KCNS1: variants seen among roughly 807,000 people sequenced by gnomAD.
KCNS1 encodes the protein delayed-rectifier potassium channel regulatory subunit KCNS1.
A neutral mutation model predicts 33.1 loss-of-function variants in KCNS1; 26 were observed. That is an observed-to-expected ratio of 0.79 (90% CI 0.58 to 1.09). The LOEUF (loss-of-function observed/expected upper bound fraction) is 1.09, where lower values mean the gene tolerates loss of function less well. Among genes scored for constraint, KCNS1 ranks in the 50% least tolerant of loss-of-function variants. The probability of loss-of-function intolerance (pLI) is 0.00; values close to 1 mark genes in which losing one functional copy is unlikely to be tolerated. For missense variants in KCNS1, 702 were observed against 752.4 expected, an observed-to-expected ratio of 0.93 and a Z score of 0.78; for synonymous variants, 299 against 338.8, an observed-to-expected ratio of 0.88 and a Z score of 1.29.
Position 45,097,655 on chromosome 20 carries a change from GC to G in KCNS1, c.1110+6del. ...CCCCAGCTCCAACCTGGCCTCAGAG[GC>G]CGTACCTTGAGCGTGGCTCCCAGCG... On this transcript the variant is annotated splice_donor_region_variant and intron_variant, in intron 3 of 3. Coordinates refer to ENST00000537075, the MANE Select transcript of KCNS1 (RefSeq NM_001322799.2). 1 of 1,598,340 alleles carries G rather than the reference GC, an allele frequency of 6.3e-7. No individual in the cohort carries two copies. Among genetic ancestry groups the G allele is most frequent in the Non-Finnish European group, 8.5e-7 (1 of 1,177,016 alleles).
At chr20:45,095,464 G>C (rs1302360020) in intron 3 of KCNS1, 124 bp from the exon 4 acceptor site, 3 of 854,560 alleles carry the variant, frequency 3.5e-6, no homozygotes, top group Non-Finnish European at 3.5e-6. Context: ...GATAGAGCTG[G>C]TGCTAAGGCC....
At chr20:45,100,722 A>T (rs1425285927) in intron 1 of KCNS1, among the ~76,000 whole-genome samples, 199 bp downstream of exon 1, 1 of 152,092 alleles carries the variant, frequency 6.6e-6, no homozygotes, top group Non-Finnish European at 1.5e-5. Context: ...AGGTTTTCTA[A>T]TCCCATTTTA....
chr20:45,096,864 A>C (rs909288412), intron 3 of KCNS1, among the ~76,000 whole-genome samples: 1 of 152,108 alleles, frequency 6.6e-6, no homozygotes, highest in Non-Finnish European at 1.5e-5. Context: ...CTTCAATTTC[A>C]TCTCTGGGAA....
rs748876564 is a variant in KCNS1, at chr20:45,097,752, C to T, written c.1020G>A (p.Val340=). The T allele has an allele frequency of 1.2e-6, 2 of 1,613,046 alleles. No homozygotes were observed. The highest frequency in any genetic ancestry group is 1.7e-6 in the Non-Finnish European group (2 of 1,179,980). ...GGKEFGHLGK[V]VQVFRLMRIF... is the part of the protein sequence containing the mutation. ...TGCGCATGAGGCGGAACACCTGCAC[C>T]ACCTTGCCCAGGTGGCCGAACTCCT... Residue 340 remains valine (V), a synonymous_variant, in exon 3 of 4, where the codon GTG becomes GTA. Coordinates refer to ENST00000537075, the MANE Select transcript of KCNS1 (RefSeq NM_001322799.2).
chr20:45,094,736 G>T lies in KCNS1; in HGVS notation c.*134C>A. 1 of 772,988 alleles carries T rather than the reference G, an allele frequency of 1.3e-6. No individual in the cohort carries two copies. Among genetic ancestry groups the T allele is most frequent in the Non-Finnish European group, 2.2e-6 (1 of 463,732 alleles). 47.9% of individuals were successfully genotyped at this position (772,988 alleles called of 1,614,324 possible). A position where few individuals can be genotyped will look rare whatever the true frequency, so the allele number is the denominator to read the frequency against. On this transcript the variant is annotated 3_prime_UTR_variant, in exon 4 of 4. Transcript: ENST00000537075. The stretch of plus-strand genomic sequence containing the variant: ...ACTGTCCTGTCCTGGGCCTTTGGAG[G>T]AAGGAATGCAGCTTTTGAATCTCAT...
intron 3 of KCNS1, among the ~76,000 whole-genome samples, chr20:45,096,259 G>C (rs1255067288): frequency 6.6e-6 from 1 of 152,142 alleles, no homozygotes; most frequent in African/African-American, 2.4e-5. Context: ...GAGTAGCAAG[G>C]CTCTCATCTG....
intron 3 of KCNS1, among the ~76,000 whole-genome samples, chr20:45,096,500 C>A (rs1981189107): frequency 6.6e-6 from 1 of 152,152 alleles, no homozygotes. Context: ...GGTCATCTGC[C>A]AGCACCCAGT....
chr20:45,095,993 C>T (rs968693514), intron 3 of KCNS1, among the ~76,000 whole-genome samples: 5 of 151,600 alleles, frequency 3.3e-5, no homozygotes, highest in African/African-American at 1.2e-4. Flanking sequence ...TGGGTAAAGG[C>T]CAGGGATACT....
Position 45,094,822 on chromosome 20 carries a change from A to G in KCNS1, c.*48T>C. ...CTACCATGAAGAACTTTAGCAGGGG[A>G]GGAATCTCTACTGTAGGGGCATGGC... On this transcript the variant is annotated 3_prime_UTR_variant, in exon 4 of 4. Coordinates refer to ENST00000537075, the MANE Select transcript of KCNS1 (RefSeq NM_001322799.2). 6.9e-7 allele frequency: 1 copy of G among 1,440,144 alleles called. No homozygotes were observed. The highest frequency in any genetic ancestry group is 9.5e-7 in the Non-Finnish European group (1 of 1,048,238). The allele number at this position is 1,440,144 out of a possible 1,614,324, so 89.2% of individuals were successfully genotyped here. A position where few individuals can be genotyped will look rare whatever the true frequency, so the allele number is the denominator to read the frequency against.
In KCNS1 at chr20:45,098,436, C is replaced by G. The variant is rs779334922; in HGVS notation, c.336G>C (p.Leu112=). 1.3e-6 allele frequency: 2 copies of G among 1,594,244 alleles called. No individual in the cohort carries two copies. Among genetic ancestry groups the G allele is most frequent in the East Asian group, 2.3e-5 (1 of 43,332 alleles). Residue 112 remains leucine (L), a synonymous_variant, in exon 3 of 4, where the codon CTG becomes CTC. Coordinates refer to ENST00000537075, the MANE Select transcript of KCNS1 (RefSeq NM_001322799.2). This position sits in a 1 kb window ranked among gnomAD's most constrained non-coding sequence, Gnocchi z 5.2. ...FYFDRHPGFF[L]SLLHFYRTGH... ...CAGTGCGGTAGAAGTGCAGCAGGCT[C>G]AGGAAGAAGCCCGGGTGCCGGTCGA...
rs1365950562 is a variant in KCNS1, at chr20:45,092,786, C to G, written c.*2084G>C. On this transcript the variant is annotated 3_prime_UTR_variant, in exon 4 of 4. Coordinates refer to ENST00000537075, the MANE Select transcript of KCNS1 (RefSeq NM_001322799.2). ...TGCTTGGAGTACTCCCCCCTGGAAC[C>G]TCATTTGCTTAATTAGCAATTTATC... The G allele has an allele frequency of 6.6e-6, 1 of 151,930 alleles. No homozygotes were observed. Among genetic ancestry groups the G allele is most frequent in the Non-Finnish European group, 1.5e-5 (1 of 68,012 alleles). The allele number at this position is 151,930 out of a possible 1,614,324, so 9.4% of individuals were successfully genotyped here.
At chr20:45,095,481 C>T (rs1285453490) in intron 3 of KCNS1, 141 bp from the exon 4 acceptor site, 2 of 742,630 alleles carry the variant, frequency 2.7e-6, no homozygotes, top group South Asian at 3.9e-5. Flanking sequence ...GGCCCAGGTC[C>T]CCTGACTTTA....
chr20:45,095,366 T>G (rs1276379826), intron 3 of KCNS1, 26 bp from the exon 4 acceptor site: 6 of 1,589,042 alleles, frequency 3.8e-6, no homozygotes, highest in Non-Finnish European at 5.1e-6. Context: ...GAAAGCCAAG[T>G]CAGAGTGGAT....
chr20:45,099,288 G>A (rs1369276506), intron 1 of KCNS1, 49 bp from the exon 2 acceptor site: 3 of 1,003,094 alleles, frequency 3.0e-6, no homozygotes, highest in African/African-American at 3.2e-5. Context: ...TCGATTTACT[G>A]AATCGGGAAC....
In KCNS1 at chr20:45,098,379, G is replaced by A. The variant is rs754498637; in HGVS notation, c.393C>T (p.Val131=). The part of the protein sequence containing the change: ...GHLHVLDELC[V]FAFGQEADYW... ...AGTCGGCCTCCTGGCCAAAGGCGAAGACGCACAGCTCGTCGAGCACGTGCA... is the reference window on the plus strand; with the variant it reads ...AGTCGGCCTCCTGGCCAAAGGCGAAAACGCACAGCTCGTCGAGCACGTGCA... The change falls in exon 3 of 4, where the codon GTC becomes GTT. Residue 131 remains valine, a synonymous_variant. Transcript: ENST00000537075. This position sits in a 1 kb window ranked among gnomAD's most constrained non-coding sequence, Gnocchi z 5.2. The A allele has an allele frequency of 6.3e-7, 1 of 1,587,284 alleles. No individual in the cohort carries two copies. The highest frequency in any genetic ancestry group is 8.6e-7 in the Non-Finnish European group (1 of 1,167,270).
Position 45,097,568 on chromosome 20 carries a change from AGCCTGGACTCG to A in KCNS1, c.1110+83_1110+93del, listed in dbSNP as rs1981221799. The A allele has an allele frequency of 6.2e-6, 8 of 1,281,112 alleles. No homozygotes were observed. In the South Asian group the frequency reaches 1.1e-4, roughly 18 times the overall value. The allele number at this position is 1,281,112 out of a possible 1,614,324, so 79.4% of individuals were successfully genotyped here. A position where few individuals can be genotyped will look rare whatever the true frequency, so the allele number is the denominator to read the frequency against. On this transcript the variant is annotated intron_variant, in intron 3 of 3. Coordinates refer to ENST00000537075, the MANE Select transcript of KCNS1 (RefSeq NM_001322799.2). ...AGGACGGCATCTCAGTTGAACGTTAAGCCTGGACTCGGCAGGCTTGTAAGTTCACCTGCTAA... is the reference window on the plus strand; with the variant it reads ...AGGACGGCATCTCAGTTGAACGTTAAGCAGGCTTGTAAGTTCACCTGCTAA...
At position 45,094,878 on chromosome 20, in the gene KCNS1, T is replaced by C. The variant is rs779827317; in HGVS notation, c.1573A>G (p.Met525Val). The C allele has an allele frequency of 9.3e-6, 15 of 1,611,038 alleles. No homozygotes were observed. Among genetic ancestry groups the C allele is most frequent in the Non-Finnish European group, 1.1e-5 (13 of 1,178,222 alleles). The change falls in exon 4 of 4, where the codon ATG (methionine) becomes GTG (valine). Residue 525 changes from methionine to valine, a missense_variant. By Grantham distance (21) the Met-to-Val change is conservative. Around this residue, in one of 3 missense-constraint regions of KCNS1, gnomAD observed 75 missense variants for 72.7 expected, o/e 1.03. Transcript: ENST00000537075. ...GTCACGGATCCCTGGTTTTAATACA[T>C]CTGAGGGTGTGGAGGCTCACTGGGG... ...QAPSEPPHPQ[M>V]Y
In KCNS1 at chr20:45,098,737, C is replaced by T; in HGVS notation, c.77-42G>A. 3 of 1,329,624 alleles carry T rather than the reference C, an allele frequency of 2.3e-6. No homozygotes were observed. The highest frequency in any genetic ancestry group is 2.1e-5 in the South Asian group (1 of 47,284). The allele number at this position is 1,329,624 out of a possible 1,614,324, so 82.4% of individuals were successfully genotyped here. ...GGCGCGCTGAGGAGTTCCCGGGCTT[C>T]CCTTCCTGGAAGACCAGGTTAAAAT... On this transcript the variant is annotated intron_variant, in intron 2 of 3. Transcript: ENST00000537075. This position sits in a 1 kb window ranked among gnomAD's most constrained non-coding sequence, Gnocchi z 5.2.
In KCNS1 at chr20:45,094,941, A is replaced by G; in HGVS notation, c.1510T>C (p.Ser504Pro). ...AGATCTGCAGACTGTCCCTCCTGAG[A>G]GGTTTCTCGGGATGTCTCCAGAGAT... is the stretch of plus-strand genomic sequence containing the variant. ...EASLETSRET[S>P]QEGQSADLES... Residue 504 changes from serine to proline, a missense_variant, in exon 4 of 4, where the codon TCT (serine) becomes CCT (proline). Ser to Pro is a moderately conservative substitution (Grantham distance 74). This residue lies in a region of KCNS1 where 75 missense variants were observed against 72.7 expected (regional missense o/e 1.03). Coordinates refer to ENST00000537075, the MANE Select transcript of KCNS1 (RefSeq NM_001322799.2). 6.2e-7 allele frequency: 1 copy of G among 1,613,594 alleles called. No individual in the cohort carries two copies. Among genetic ancestry groups the G allele is most frequent in the Non-Finnish European group, 8.5e-7 (1 of 1,179,948 alleles).
Sources: allele counts gnomAD v4.1 joint callset (sites outside exome capture counted in the v4.1 genomes callset), GRCh38; gene constraint gnomAD v4.1.1; regional missense constraint gnomAD v4.1.1; non-coding constraint Gnocchi (gnomAD v3.1); transcripts MANE v1.5; gene names NCBI Gene and HGNC (gene_info 2026-07-23, HGNC 2026-07-21).